Variants in ALK observed in about 807,000 individuals in gnomAD.
The protein encoded by ALK is ALK tyrosine kinase receptor.
A neutral mutation model predicts 163.1 loss-of-function variants in ALK; 74 were observed. That is an observed-to-expected ratio of 0.45 (90% CI 0.38 to 0.55). The LOEUF (loss-of-function observed/expected upper bound fraction) is 0.55, where lower values mean the gene tolerates loss of function less well. Among genes scored for constraint, ALK ranks in the 20% least tolerant of loss-of-function variants. The probability of loss-of-function intolerance (pLI) is 0.00; values close to 1 mark genes in which losing one functional copy is unlikely to be tolerated. For missense variants in ALK, 2,063 were observed against 2,105.3 expected (o/e 0.98, Z 0.39); for synonymous variants, 960 against 843.2 (o/e 1.14, Z -2.40).
intron 1 of ALK, among the ~76,000 whole-genome samples, chr2:29,802,085 G>A (rs999655910): frequency 6.6e-6 from 1 of 151,992 alleles, no homozygotes; most frequent in Non-Finnish European, 1.5e-5. Context: ...TGGTTTAAAT[G>A]TCAAAACAAA....
intron 3 of ALK, among the ~76,000 whole-genome samples, chr2:29,621,894 A>G (rs1055277478): frequency 1.3e-5 from 2 of 152,028 alleles, no homozygotes; most frequent in African/African-American, 4.8e-5. Flanking sequence ...TGGGAAGGGC[A>G]GGGCAGGTCT....
chr2:29,508,600 G>A (rs1315147037), intron 4 of ALK, among the ~76,000 whole-genome samples: 1 of 151,744 alleles, frequency 6.6e-6, no homozygotes, highest in Admixed American at 6.6e-5. Context: ...AATGTTAAAT[G>A]ATGAGTTAAT....
intron 1 of ALK, among the ~76,000 whole-genome samples, chr2:29,728,121 TA>T (rs66953037): frequency 0.065 from 9,865 of 151,030 alleles, 1,068 homozygotes; most frequent in African/African-American, 0.23. Flanking sequence ...GGGATGTTTT[TA>T]AAAAAAAAAT....
chr2:29,465,907 C>T (rs1185399669), intron 4 of ALK, among the ~76,000 whole-genome samples: 1 of 151,888 alleles, frequency 6.6e-6, no homozygotes, highest in African/African-American at 2.4e-5. Flanking sequence ...GAGTTTATAA[C>T]ATATGTAGAA....
intron 4 of ALK, among the ~76,000 whole-genome samples, chr2:29,507,295 T>G (rs1459113262): frequency 6.6e-6 from 1 of 152,206 alleles, no homozygotes; most frequent in Non-Finnish European, 1.5e-5. Context: ...TACCATCGAA[T>G]TCTACATTTT....
intron 1 of ALK, among the ~76,000 whole-genome samples, chr2:29,792,754 A>T (rs911903719): frequency 7.2e-5 from 11 of 152,122 alleles, no homozygotes; most frequent in Non-Finnish European, 1.6e-4. Flanking sequence ...AGTTATGCTT[A>T]CACTACACTT....
intron 5 of ALK, among the ~76,000 whole-genome samples, chr2:29,349,000 A>T (rs1381838624): frequency 6.6e-6 from 1 of 152,232 alleles, no homozygotes; most frequent in Non-Finnish European, 1.5e-5. Flanking sequence ...TCGAATGTAC[A>T]ACGGGGATAA....
intron 3 of ALK, among the ~76,000 whole-genome samples, chr2:29,644,752 A>G (rs1474572636): frequency 6.6e-6 from 1 of 152,178 alleles, no homozygotes; most frequent in East Asian, 1.9e-4. Context: ...AACCTTTACT[A>G]GAAACAAATT....
intron 1 of ALK, among the ~76,000 whole-genome samples, chr2:29,824,867 G>A (rs1460529970): frequency 6.6e-6 from 1 of 152,050 alleles, no homozygotes; most frequent in Non-Finnish European, 1.5e-5. Flanking sequence ...TGATTGTTTT[G>A]AAATGTGAGA....
intron 4 of ALK, among the ~76,000 whole-genome samples, chr2:29,474,026 T>C (rs1671440391): frequency 6.6e-6 from 1 of 152,166 alleles, no homozygotes; most frequent in Non-Finnish European, 1.5e-5. Context: ...TTCCAGAATA[T>C]CTTCTAAAGC....
At chr2:29,223,249 G>A (rs2148170314) in intron 20 of ALK, 93 bp downstream of exon 20, 1 of 1,428,044 alleles carries the variant, frequency 7.0e-7, no homozygotes, top group South Asian at 1.2e-5. Context: ...GGCTCTGCCG[G>A]CCTTTTGTGG....
intron 8 of ALK, among the ~76,000 whole-genome samples, chr2:29,307,618 C>G (rs192709924): frequency 3.3e-5 from 5 of 152,302 alleles, no homozygotes; most frequent in Admixed American, 1.3e-4. Context: ...GTGGTATCTT[C>G]TTAACTTCAG....
chr2:29,808,801 A>G (rs1664680274), intron 1 of ALK, among the ~76,000 whole-genome samples: 1 of 152,168 alleles, frequency 6.6e-6, no homozygotes, highest in African/African-American at 2.4e-5. Flanking sequence ...CATGCATCAC[A>G]TCCATACACA....
At chr2:29,828,196 C>T (rs979936785) in intron 1 of ALK, among the ~76,000 whole-genome samples, 13 of 152,280 alleles carry the variant, frequency 8.5e-5, no homozygotes, top group Admixed American at 2.6e-4. Context: ...AAATGTTAGA[C>T]CTAAATCCAT....
chr2:29,390,429 C>G (rs1161419729), intron 4 of ALK, among the ~76,000 whole-genome samples: 1 of 152,202 alleles, frequency 6.6e-6, no homozygotes, highest in African/African-American at 2.4e-5. Flanking sequence ...TGTCAGGACT[C>G]AAGCCACACT....
intron 5 of ALK, among the ~76,000 whole-genome samples, chr2:29,356,704 G>A (rs1035564239): frequency 6.6e-6 from 1 of 152,128 alleles, no homozygotes; most frequent in Non-Finnish European, 1.5e-5. Context: ...CTGGGGTGGT[G>A]GAATCACTCA....
chr2:29,392,716 G>C (rs137895494), intron 4 of ALK, among the ~76,000 whole-genome samples: 3 of 152,192 alleles, frequency 2.0e-5, no homozygotes, highest in Non-Finnish European at 4.4e-5. Flanking sequence ...AGGAGTAGGA[G>C]TAGACTGATC....
chr2:29,672,599 CA>C (rs909488964), intron 3 of ALK, among the ~76,000 whole-genome samples: 2 of 151,192 alleles, frequency 1.3e-5, no homozygotes, highest in African/African-American at 4.9e-5. Flanking sequence ...GGCTTGGTTC[CA>C]AGTCTTTGCT....
intron 5 of ALK, among the ~76,000 whole-genome samples, chr2:29,345,033 A>G (rs942538199): frequency 6.6e-6 from 1 of 152,168 alleles, no homozygotes; most frequent in Non-Finnish European, 1.5e-5. Flanking sequence ...CATTATTTTT[A>G]CTTTTAATGG....
Sources: allele counts gnomAD v4.1 joint callset (sites outside exome capture counted in the v4.1 genomes callset), GRCh38; gene constraint gnomAD v4.1.1; transcripts MANE v1.5; gene names NCBI Gene and HGNC (gene_info 2026-07-23, HGNC 2026-07-21).